The following PFKL variants were observed in gnomAD, a reference collection of about 807,000 sequenced individuals.
PFKL encodes phosphofructokinase, liver type.
In PFKL, 74 loss-of-function variants were observed where a neutral mutation model predicts 92.1. The ratio of observed to expected loss-of-function variants is 0.80; its 90% CI spans 0.67 to 0.97. The LOEUF is 0.97. Among genes scored for constraint, PFKL ranks in the 50% least tolerant of loss-of-function variants. The pLI is 0.00. For synonymous variants in PFKL, 494 were observed against 456.4 expected (o/e 1.08, Z -1.05); for missense variants, 1,028 against 1,116.6 (o/e 0.92, Z 1.13).
intron 10 of PFKL, among the ~76,000 whole-genome samples, chr21:44,318,915 AG>A (rs1273884027): frequency 3.3e-5 from 5 of 151,966 alleles, no homozygotes; most frequent in Non-Finnish European, 5.9e-5. Context: ...ACGGAGGAGG[AG>A]GGGCCAGTGA....
At position 44,324,920 on chromosome 21, in the gene PFKL, G is replaced by A; in HGVS notation, c.1877+3G>A. On this transcript the variant is annotated splice_donor_region_variant and intron_variant, in intron 18 of 21. Coordinates refer to ENST00000349048, the MANE Select transcript of PFKL (RefSeq NM_002626.6). ...ATTCAGAGGGGCCTGGTGCTGCGGT[G>A]AGGCTGCCGTGGGTCCCTGGCCACA... The A allele has an allele frequency of 6.2e-7, 1 of 1,602,842 alleles. No homozygotes were observed. The highest frequency in any genetic ancestry group is 8.5e-7 in the Non-Finnish European group (1 of 1,175,142).
intron 2 of PFKL, among the ~76,000 whole-genome samples, chr21:44,310,077 C>G (rs1319035651): frequency 6.6e-6 from 1 of 152,220 alleles, no homozygotes; most frequent in Non-Finnish European, 1.5e-5. Flanking sequence ...GGCTGCTCCA[C>G]TGCCTCACCT....
At chr21:44,318,851 G>A (rs2047282292) in intron 10 of PFKL, among the ~76,000 whole-genome samples, 1 of 152,222 alleles carries the variant, frequency 6.6e-6, no homozygotes, top group African/African-American at 2.4e-5. Context: ...AGTCACAGGG[G>A]TCCACGGCCA....
chr21:44,307,202 C>A (rs1294990133), intron 2 of PFKL: 2 of 899,524 alleles, frequency 2.2e-6, no homozygotes, highest in African/African-American at 3.6e-5. Flanking sequence ...CCACCCAGAC[C>A]CGGGGGGCAG....
chr21:44,326,901 TGCCAGCGCAGC>T lies in PFKL; in HGVS notation c.*45_*55del, dbSNP rs1396263509. ...CACGCCCCTCCCCAGCCCCCACCCA[TGCCAGCGCAGC>T]GCCAGGGCTCAGATGGGGCCTGGGC... is the stretch of plus-strand genomic sequence containing the variant. On this transcript the variant is annotated 3_prime_UTR_variant, in exon 22 of 22. Transcript: ENST00000349048. The T allele has an allele frequency of 1.3e-6, 2 of 1,560,454 alleles. No homozygotes were observed. Among genetic ancestry groups the T allele is most frequent in the Admixed American group, 3.6e-5 (2 of 55,976 alleles).
Position 44,318,574 on chromosome 21 carries a change from C to T in PFKL, c.1041C>T (p.Pro347=), listed in dbSNP as rs2047272997. The T allele has an allele frequency of 6.5e-7, 1 of 1,539,970 alleles. No homozygotes were observed. Among genetic ancestry groups the T allele is most frequent in the Non-Finnish European group, 8.8e-7 (1 of 1,133,738 alleles). ...CGGGGAACCAGTCAGTGCGGCTGCC[C>T]CTCATGGAGTGCGTGCAGATGGTAA... ...TLSGNQSVRL[P]LMECVQMTKE... The change falls in exon 10 of 22, where the codon CCC becomes CCT. Residue 347 remains proline (P), a synonymous_variant. Coordinates refer to ENST00000349048, the MANE Select transcript of PFKL (RefSeq NM_002626.6).
In PFKL at chr21:44,305,759, G is replaced by A. The variant is rs575422139; in HGVS notation, c.86-922G>A. 6.6e-6 allele frequency: 9 copies of A among 1,363,202 alleles called. No homozygotes were observed. In the African/African-American group the frequency reaches 1.0e-4, roughly 16 times the overall value. 84.4% of individuals were successfully genotyped at this position (1,363,202 alleles called of 1,614,324 possible). On this transcript the variant is annotated intron_variant, in intron 1 of 21. Transcript: ENST00000349048. ...AGGTGTGGGGTACATTAGCACCAGC[G>A]TTTCCTGAGTGCCGCCTCCCCCGTT... is the stretch of plus-strand genomic sequence containing the variant.
rs1250593940 is a variant in PFKL, at chr21:44,320,087, C to T, written c.1131C>T (p.Ser377=). ...FDEATQLRGG[S]FENNWNIYKL... ...GTGTGACCCGAATCCCTTCCAGGAG[C>T]TTCGAGAACAACTGGAACATTTACA... Residue 377 remains serine (S), a synonymous_variant, in exon 12 of 22, where the codon AGC becomes AGT. Coordinates refer to ENST00000349048, the MANE Select transcript of PFKL (RefSeq NM_002626.6). 7.4e-6 allele frequency: 12 copies of T among 1,613,196 alleles called. No homozygotes were observed. The highest frequency in any genetic ancestry group is 1.0e-5 in the Non-Finnish European group (12 of 1,179,688).
At position 44,312,159 on chromosome 21, in the gene PFKL, C is replaced by T. The variant is rs1454312894; in HGVS notation, c.292C>T (p.Arg98Cys). ...CAAGGCCTTTACCACCAGGGAGGGG[C>T]GCCGGGCAGCGGCCTACAACCTGGT... The part of the protein sequence containing the change: ...RCKAFTTREG[R>C]RAAAYNLVQH... The change falls in exon 4 of 22, where the codon CGC becomes TGC. Residue 98 changes from arginine to cysteine, a missense_variant. By Grantham distance (180) the Arg-to-Cys change is radical (BLOSUM62 -3). Transcript: ENST00000349048. 8 of 1,591,398 alleles carry T rather than the reference C, an allele frequency of 5.0e-6. No homozygotes were observed. The highest frequency in any genetic ancestry group is 2.3e-5 in the South Asian group (2 of 88,098).
chr21:44,324,486 C>T lies in PFKL; in HGVS notation c.1651-5C>T, dbSNP rs2146024421. The T allele has an allele frequency of 6.2e-7, 1 of 1,613,104 alleles. No individual in the cohort carries two copies. Among genetic ancestry groups the T allele is most frequent in the Non-Finnish European group, 8.5e-7 (1 of 1,179,786 alleles). On this transcript the variant is annotated splice_region_variant and splice_polypyrimidine_tract_variant and intron_variant, in intron 16 of 21. Transcript: ENST00000349048. ...GAGGACCCCCGACCCCCCCTTGTCC[C>T]CCAGAGCTGTGACCGCATCAAACAG...
chr21:44,317,490 G>T (rs1235399120), intron 9 of PFKL, among the ~76,000 whole-genome samples: 1 of 152,220 alleles, frequency 6.6e-6, no homozygotes. Flanking sequence ...GCCAGCCGCT[G>T]CTGAGCCTGG....
At chr21:44,308,048 A>G (rs1001940793) in intron 2 of PFKL, among the ~76,000 whole-genome samples, 7 of 152,308 alleles carry the variant, frequency 4.6e-5, no homozygotes, top group South Asian at 2.1e-4. Context: ...ACCAGTGCAC[A>G]TGGAGAAGCC....
At chr21:44,319,802 T>C in intron 11 of PFKL, 2 of 512,170 alleles carry the variant, frequency 3.9e-6, no homozygotes, top group Non-Finnish European at 7.0e-6. Context: ...TGGGTTCCCA[T>C]GCGTGCCTCC....
At chr21:44,301,665 G>A (rs1031805297) in intron 1 of PFKL, among the ~76,000 whole-genome samples, 5 of 152,128 alleles carry the variant, frequency 3.3e-5, no homozygotes, top group Non-Finnish European at 4.4e-5. Context: ...GAAAGGCCCC[G>A]AGTCTGGAGG....
Position 44,316,542 on chromosome 21 carries a change from TGCCCTGC to T in PFKL, c.936+20_936+26del. 6.4e-7 allele frequency: 1 copy of T among 1,569,028 alleles called. No homozygotes were observed. The highest frequency in any genetic ancestry group is 8.7e-7 in the Non-Finnish European group (1 of 1,151,408). ...GGATCCTGGTAAGTGGCCATCACCC[TGCCCTGC>T]GTACGTGCGTGGGTAAGCGTGGTGT... is the stretch of plus-strand genomic sequence containing the variant. On this transcript the variant is annotated intron_variant, in intron 9 of 21. Coordinates refer to ENST00000349048, the MANE Select transcript of PFKL (RefSeq NM_002626.6).
Position 44,326,634 on chromosome 21 carries a change from G to T in PFKL, c.2196-81G>T, listed in dbSNP as rs927234292. The T allele has an allele frequency of 4.8e-5, 68 of 1,409,126 alleles. No homozygotes were observed. The Admixed American group carries it at 1.0e-3, about 21-fold the overall frequency. 87.3% of individuals were successfully genotyped at this position (1,409,126 alleles called of 1,614,324 possible). On this transcript the variant is annotated intron_variant, in intron 21 of 21. Coordinates refer to ENST00000349048, the MANE Select transcript of PFKL (RefSeq NM_002626.6). Reference sequence around the variant, plus strand: ...CATGCACAGGCTGCAGGGTCGGGGGGGGTGGGGGGGCTGGGGACGTGGCTG... The same window carrying T: ...CATGCACAGGCTGCAGGGTCGGGGGTGGTGGGGGGGCTGGGGACGTGGCTG...
intron 1 of PFKL, among the ~76,000 whole-genome samples, chr21:44,300,848 T>A (rs942868800): frequency 6.6e-6 from 1 of 152,130 alleles, no homozygotes; most frequent in Non-Finnish European, 1.5e-5. Flanking sequence ...GAGGGCGTGG[T>A]GTCCTCGCAC....
At chr21:44,300,220 G>T (rs2040727903) in intron 1 of PFKL, 30 bp downstream of exon 1, 6 of 1,032,706 alleles carry the variant, frequency 5.8e-6, no homozygotes, top group Non-Finnish European at 7.0e-6. Context: ...GCGTCGCGGC[G>T]CAGGGGGTGG....
At chr21:44,326,421 G>C (rs760036483) in intron 21 of PFKL, among the ~76,000 whole-genome samples, 157 bp downstream of exon 21, 1 of 152,166 alleles carries the variant, frequency 6.6e-6, no homozygotes, top group Non-Finnish European at 1.5e-5. Flanking sequence ...GTGGAGAGCA[G>C]GGACCATGCC....
Sources: gnomAD v4.1 joint callset for allele counts (sites outside exome capture counted in the v4.1 genomes callset) on GRCh38, gnomAD v4.1.1 for gene constraint, MANE v1.5 for transcripts, NCBI Gene and HGNC (gene_info 2026-07-23, HGNC 2026-07-21) for gene names.